The following DAB2 variants were observed in gnomAD, a reference collection of about 807,000 sequenced individuals.
DAB2 encodes disabled homolog 2.
In DAB2, 28 loss-of-function variants were observed where a neutral mutation model predicts 71.6. The ratio of observed to expected loss-of-function variants is 0.39; its 90% CI spans 0.29 to 0.54. The LOEUF (loss-of-function observed/expected upper bound fraction) is 0.54, where lower values mean the gene tolerates loss of function less well. Among genes scored for constraint, DAB2 ranks in the 20% least tolerant of loss-of-function variants. The probability of loss-of-function intolerance (pLI) is 0.68; values close to 1 mark genes in which losing one functional copy is unlikely to be tolerated. For synonymous variants in DAB2, 345 were observed against 339.7 expected (o/e 1.02, Z -0.17); for missense variants, 867 against 928.8 (o/e 0.93, Z 0.86).
At chr5:39,418,751 A>T (rs1229158970) in intron 1 of DAB2, among the ~76,000 whole-genome samples, 2 of 152,236 alleles carry the variant, frequency 1.3e-5, no homozygotes, top group Non-Finnish European at 2.9e-5. Context: ...CATCTCTAGA[A>T]TTTAGCTTGC....
At chr5:39,394,797 T>C (rs1446911292) in intron 1 of DAB2, among the ~76,000 whole-genome samples, 1 of 152,226 alleles carries the variant, frequency 6.6e-6, no homozygotes, top group Non-Finnish European at 1.5e-5. Context: ...CTGGTAAGAC[T>C]GCAAATGCCA....
At chr5:39,382,175 A>G (rs1754996087) in intron 10 of DAB2, among the ~76,000 whole-genome samples, 1 of 152,178 alleles carries the variant, frequency 6.6e-6, no homozygotes, top group Admixed American at 6.5e-5. Flanking sequence ...TCAGTATTTA[A>G]AAGAGGAGAT....
At chr5:39,419,024 T>C (rs554472123) in intron 1 of DAB2, among the ~76,000 whole-genome samples, 2 of 152,340 alleles carry the variant, frequency 1.3e-5, no homozygotes, top group African/African-American at 4.8e-5. Context: ...CATGAATCTA[T>C]GTTGGCTTTT....
chr5:39,402,759 G>A (rs942820543), intron 1 of DAB2, among the ~76,000 whole-genome samples: 1 of 152,124 alleles, frequency 6.6e-6, no homozygotes, highest in African/African-American at 2.4e-5. Flanking sequence ...AAGTGAGATG[G>A]TTTGCCAGTG....
At chr5:39,375,863 C>A (rs1561363917) in intron 13 of DAB2, 134 bp downstream of exon 13, 1 of 701,452 alleles carries the variant, frequency 1.4e-6, no homozygotes, top group Admixed American at 3.0e-5. Context: ...TCCAGCCTGG[C>A]CGACAGAGCA....
At position 39,394,258 on chromosome 5, in the gene DAB2, T is replaced by C. The variant is rs1561372420; in HGVS notation, c.63A>G (p.Lys21=). The change falls in exon 2 of 15, where the codon AAA becomes AAG. Residue 21 remains lysine (K), a synonymous_variant. Coordinates refer to ENST00000320816, the MANE Select transcript of DAB2 (RefSeq NM_001343.4). ...NGQPDQQAAP[K]APSKKEKKKG... ...TCTTTTTTTCCTTCTTTGAGGGTGCTTTTGGTGCGGCCTGTTGGTCGGGCT... is the reference window on the plus strand; with the variant it reads ...TCTTTTTTTCCTTCTTTGAGGGTGCCTTTGGTGCGGCCTGTTGGTCGGGCT... The C allele has an allele frequency of 1.2e-6, 2 of 1,614,084 alleles. No individual in the cohort carries two copies. Among genetic ancestry groups the C allele is most frequent in the Non-Finnish European group, 1.7e-6 (2 of 1,179,942 alleles).
chr5:39,374,958 T>C (rs766442805), intron 14 of DAB2, 56 bp downstream of exon 14: 3 of 1,083,184 alleles, frequency 2.8e-6, no homozygotes, highest in Non-Finnish European at 4.3e-6. Context: ...CTTTATTCCA[T>C]GTCACCCTTT....
At position 39,388,728 on chromosome 5, in the gene DAB2, C is replaced by G. The variant is rs563995760; in HGVS notation, c.624+71G>C. On this transcript the variant is annotated intron_variant, in intron 8 of 14. Transcript: ENST00000320816. ...AGATTCAATACAGATTTGGTATCAG[C>G]AACATCTACAGGAAGTAGAACCCAT... 10 of 1,264,830 alleles carry G rather than the reference C, an allele frequency of 7.9e-6. No homozygotes were observed. In the African/African-American group the frequency reaches 1.5e-4, roughly 19 times the overall value. 78.4% of individuals were successfully genotyped at this position (1,264,830 alleles called of 1,614,324 possible). A position where few individuals can be genotyped will look rare whatever the true frequency, so the allele number is the denominator to read the frequency against.
In DAB2 at chr5:39,382,975, A is replaced by T; in HGVS notation, c.984T>A (p.Ser328=). 6.2e-7 allele frequency: 1 copy of T among 1,614,192 alleles called. No homozygotes were observed. Among genetic ancestry groups the T allele is most frequent in the Non-Finnish European group, 8.5e-7 (1 of 1,180,030 alleles). ...DQKKENSSSS[S]TPLSNGPLNG... is the part of the protein sequence containing the mutation. ...TCAGGGGCCCATTACTCAGCGGAGT[A>T]GACGAGCTACTCGAATTCTCTTTCT... is the stretch of plus-strand genomic sequence containing the variant. Residue 328 remains serine (S), a synonymous_variant, in exon 10 of 15, where the codon TCT becomes TCA. Transcript: ENST00000320816.
chr5:39,373,017 C>T lies in DAB2; in HGVS notation c.*414G>A, dbSNP rs1754737343. 1 of 151,942 alleles carries T rather than the reference C, an allele frequency of 6.6e-6. No homozygotes were observed. Among genetic ancestry groups the T allele is most frequent in the Non-Finnish European group, 1.5e-5 (1 of 68,020 alleles). 9.4% of individuals were successfully genotyped at this position (151,942 alleles called of 1,614,324 possible). On this transcript the variant is annotated 3_prime_UTR_variant, in exon 15 of 15. Transcript: ENST00000320816. ...TTAGGTTTTATGCTCTGAAACAGAA[C>T]CCCCAAACAACTCTGAACAATAAGG...
At chr5:39,377,486 G>T (rs1754861790) in intron 11 of DAB2, among the ~76,000 whole-genome samples, 1 of 152,078 alleles carries the variant, frequency 6.6e-6, no homozygotes, top group South Asian at 2.1e-4. Flanking sequence ...AATGCTGGTT[G>T]CATTTTGAGG....
Position 39,383,030 on chromosome 5 carries a change from G to A in DAB2, c.929C>T (p.Ser310Leu), listed in dbSNP as rs866778073. 4 of 1,614,100 alleles carry A rather than the reference G, an allele frequency of 2.5e-6. No individual in the cohort carries two copies. Among genetic ancestry groups the A allele is most frequent in the East Asian group, 2.2e-5 (1 of 44,852 alleles). ...ATCTGGAGATTTGAGAGAATCAAACGAAGAAGGTGTCGATTGGTCTGGCTG... is the reference window on the plus strand; with the variant it reads ...ATCTGGAGATTTGAGAGAATCAAACAAAGAAGGTGTCGATTGGTCTGGCTG... The part of the protein sequence containing the change: ...FTQPDQSTPS[S>L]FDSLKSPDQK... The change falls in exon 10 of 15, where the codon TCG (serine) becomes TTG (leucine). Residue 310 changes from serine to leucine, a missense_variant. Coordinates refer to ENST00000320816, the MANE Select transcript of DAB2 (RefSeq NM_001343.4).
intron 12 of DAB2, 138 bp downstream of exon 12, chr5:39,376,512 C>T: frequency 2.0e-6 from 2 of 1,022,386 alleles, no homozygotes; most frequent in African/African-American, 1.6e-5. Context: ...TAAGTTGTCT[C>T]CGTAACCCTT....
rs1256440668 is a variant in DAB2, at chr5:39,382,614, T to G, written c.1341+4A>C. On this transcript the variant is annotated splice_donor_region_variant and intron_variant, in intron 10 of 14. Transcript: ENST00000320816. ...CTAATGGATATGTGGAGAAGACAAT[T>G]CACCTTAGCAGTCCTTCTGCCTCTT... The G allele has an allele frequency of 6.2e-7, 1 of 1,610,304 alleles. No homozygotes were observed.
In DAB2 at chr5:39,388,939, T is replaced by C. The variant is rs1755159706; in HGVS notation, c.571-87A>G. The C allele has an allele frequency of 4.5e-6, 6 of 1,338,750 alleles. No homozygotes were observed. In the East Asian group the frequency reaches 1.4e-4, roughly 31 times the overall value. The allele number at this position is 1,338,750 out of a possible 1,614,324, so 82.9% of individuals were successfully genotyped here. On this transcript the variant is annotated intron_variant, in intron 7 of 14. Transcript: ENST00000320816. ...ACTCTATTAGTCTGCTAAGCAGCAA[T>C]GGTTTTGGTATCATCTTTTAACTAA...
Position 39,392,425 on chromosome 5 carries a change from T to C in DAB2, c.270A>G (p.Lys90=). The C allele has an allele frequency of 6.2e-7, 1 of 1,614,162 alleles. No individual in the cohort carries two copies. Among genetic ancestry groups the C allele is most frequent in the South Asian group, 1.1e-5 (1 of 91,078 alleles). ...GGGAAATGTTGACCCAGATCCTTTG[T>C]TTGTGTTGTCCCTGAGACCGACCAG... ...AAAGRSQGQH[K]QRIWVNISLS... is the part of the protein sequence containing the mutation. The change falls in exon 4 of 15, where the codon AAA becomes AAG. Residue 90 remains lysine, a synonymous_variant. Transcript: ENST00000320816.
chr5:39,382,837 T>C lies in DAB2; in HGVS notation c.1122A>G (p.Ala374=). ...CAGATACCCCATTTTGAGTTCTCAC[T>C]GCTGGCTGGGTTTGCGAACTTGAAA... is the stretch of plus-strand genomic sequence containing the variant. The part of the protein sequence containing the change: ...WPFSSSQTQP[A]VRTQNGVSER... The change falls in exon 10 of 15, where the codon GCA becomes GCG. Residue 374 remains alanine, a synonymous_variant. Coordinates refer to ENST00000320816, the MANE Select transcript of DAB2 (RefSeq NM_001343.4). The C allele has an allele frequency of 1.2e-6, 2 of 1,614,174 alleles. No homozygotes were observed. The highest frequency in any genetic ancestry group is 1.7e-6 in the Non-Finnish European group (2 of 1,180,030).
intron 1 of DAB2, chr5:39,408,789 T>A (rs1222339827): frequency 6.6e-6 from 1 of 152,174 alleles, no homozygotes; most frequent in Non-Finnish European, 1.5e-5. Context: ...CTCCTCTTGA[T>A]ACCAGTGTTC....
chr5:39,419,642 C>T (rs1041194679), intron 1 of DAB2, among the ~76,000 whole-genome samples: 1 of 152,036 alleles, frequency 6.6e-6, no homozygotes, highest in African/African-American at 2.4e-5. Flanking sequence ...TAGAGAAAAC[C>T]ATCTGGTTCA....
Sources: gnomAD v4.1 joint callset for allele counts (sites outside exome capture counted in the v4.1 genomes callset) on GRCh38, gnomAD v4.1.1 for gene constraint, MANE v1.5 for transcripts, NCBI Gene and HGNC (gene_info 2026-07-23, HGNC 2026-07-21) for gene names.